Variants in BCL2L1 observed in about 807,000 individuals in gnomAD.
BCL2L1 encodes bcl-2-like protein 1.
In BCL2L1, 1 loss-of-function variant was observed where a neutral mutation model predicts 18.7. The observed-to-expected ratio is 0.05, with a 90% CI of 0.02 to 0.25. The LOEUF is 0.25. Ranked by LOEUF, BCL2L1 falls within the 10% of genes least tolerant of loss-of-function variation. The pLI is 1.00. For missense variants in BCL2L1, 207 were observed against 304.9 expected, an observed-to-expected ratio of 0.68 and a Z score of 2.39; for synonymous variants, 103 against 122.7, an observed-to-expected ratio of 0.84 and a Z score of 1.06.
At chr20:31,700,648 T>G (rs1048072985) in intron 2 of BCL2L1, among the ~76,000 whole-genome samples, 1 of 152,218 alleles carries the variant, frequency 6.6e-6, no homozygotes, top group African/African-American at 2.4e-5. Flanking sequence ...GCCCCTCTTT[T>G]CTCCGCTTTG....
chr20:31,689,952 G>A (rs2061033346), intron 2 of BCL2L1, among the ~76,000 whole-genome samples: 1 of 152,262 alleles, frequency 6.6e-6, no homozygotes, highest in Admixed American at 6.5e-5. Context: ...AGGAGGCGGA[G>A]GTTGCGGTGA....
chr20:31,708,169 C>A (rs1417015966), intron 2 of BCL2L1, among the ~76,000 whole-genome samples: 1 of 152,174 alleles, frequency 6.6e-6, no homozygotes, highest in Admixed American at 6.5e-5. Flanking sequence ...TCTTTGTTGA[C>A]CCTCAAGGGA....
chr20:31,721,025 A>G, intron 2 of BCL2L1: 1 of 967,430 alleles, frequency 1.0e-6, no homozygotes, highest in Non-Finnish European at 1.2e-6. Context: ...AAATGAACTT[A>G]GGGGGCGCAG....
At chr20:31,677,845 C>T (rs980190630) in intron 2 of BCL2L1, among the ~76,000 whole-genome samples, 7 of 152,190 alleles carry the variant, frequency 4.6e-5, no homozygotes, top group African/African-American at 1.7e-4. Context: ...CCCATCTGAC[C>T]ATGGGCTCTG....
At chr20:31,690,546 G>A (rs2061046070) in intron 2 of BCL2L1, among the ~76,000 whole-genome samples, 1 of 151,264 alleles carries the variant, frequency 6.6e-6, no homozygotes, top group South Asian at 2.1e-4. Flanking sequence ...GTATTTTGAA[G>A]CAAATCCCAC....
intron 2 of BCL2L1, among the ~76,000 whole-genome samples, chr20:31,704,061 G>A (rs1021756352): frequency 8.6e-5 from 13 of 150,410 alleles, no homozygotes; most frequent in Non-Finnish European, 1.9e-4. Context: ...GCCTCCCAAA[G>A]TGCTGGGATT....
At chr20:31,676,707 C>G (rs895808752) in intron 2 of BCL2L1, among the ~76,000 whole-genome samples, 2 of 152,164 alleles carry the variant, frequency 1.3e-5, no homozygotes, top group African/African-American at 4.8e-5. Context: ...CACGAACACC[C>G]CCATTTCACA....
Position 31,712,251 on chromosome 20 carries a change from G to A in BCL2L1, c.564+9404C>T, listed in dbSNP as rs548996375. 3.2e-4 allele frequency among the ~76,000 whole-genome samples: 49 copies of A among 152,292 alleles called. 1 individual carries two copies. Among genetic ancestry groups the A allele is most frequent in the African/African-American group, 1.0e-3 (42 of 41,568 alleles). ...ACTGGACGAGGGAACACAGTGGAGCGTTTAAAAGGGGGAGGTTGGAAGCTA... is the reference window on the plus strand; with the variant it reads ...ACTGGACGAGGGAACACAGTGGAGCATTTAAAAGGGGGAGGTTGGAAGCTA... On this transcript the variant is annotated intron_variant, in intron 2 of 2. Coordinates refer to ENST00000307677, the MANE Select transcript of BCL2L1 (RefSeq NM_138578.3).
chr20:31,722,561 A>G (rs1028594130), intron 1 of BCL2L1, 57 bp downstream of exon 1: 1 of 183,176 alleles, frequency 5.5e-6, no homozygotes, highest in Non-Finnish European at 1.1e-5. Context: ...CCTTCCTCGG[A>G]AAGTCACTCC....
intron 2 of BCL2L1, among the ~76,000 whole-genome samples, chr20:31,705,053 T>G (rs1315353731): frequency 6.6e-6 from 1 of 152,170 alleles, no homozygotes; most frequent in Non-Finnish European, 1.5e-5. Flanking sequence ...CAGCAACATT[T>G]ACTAGGGCCT....
chr20:31,689,268 AG>A (rs1568869332), intron 2 of BCL2L1, among the ~76,000 whole-genome samples: 2 of 61,146 alleles, frequency 3.3e-5, no homozygotes, highest in Non-Finnish European at 6.5e-5. Context: ...AGGGAAGGGG[AG>A]GGGGAGGGCA....
At chr20:31,701,836 T>C in intron 2 of BCL2L1, among the ~76,000 whole-genome samples, 1 of 152,238 alleles carries the variant, frequency 6.6e-6, no homozygotes, top group East Asian at 1.9e-4. Context: ...TTAGGTTTTG[T>C]TCATTTGTTT....
rs540803586 is a variant in BCL2L1, at chr20:31,676,781, A to G, written c.565-10695T>C. 8.3e-4 allele frequency among the ~76,000 whole-genome samples: 126 copies of G among 152,266 alleles called. No homozygotes were observed. In the Middle Eastern group the frequency reaches 0.024, roughly 29 times the overall value. On this transcript the variant is annotated intron_variant, in intron 2 of 2. Transcript: ENST00000307677. ...TGGGTCTGTTTCATTCTGATGGTCC[A>G]CACCCATGGGAGTTGGTAGTCATCT...
chr20:31,683,938 A>G (rs760497933), intron 2 of BCL2L1, among the ~76,000 whole-genome samples: 1 of 152,220 alleles, frequency 6.6e-6, no homozygotes, highest in African/African-American at 2.4e-5. Flanking sequence ...TCCTATAAAG[A>G]GTATCATTTG....
At chr20:31,723,480 G>A, upstream of BCL2L1, 1 of 985,398 alleles carries the variant, frequency 1.0e-6, no homozygotes. Context: ...CCTCTCCGGA[G>A]CCCAGGGTGG....
chr20:31,680,525 G>C (rs550699721), intron 2 of BCL2L1, among the ~76,000 whole-genome samples: 11 of 152,220 alleles, frequency 7.2e-5, no homozygotes, highest in African/African-American at 2.6e-4. Context: ...TCTTTATCTT[G>C]GAAACAAAAG....
At chr20:31,695,585 G>A (rs1304374436) in intron 2 of BCL2L1, among the ~76,000 whole-genome samples, 1 of 152,204 alleles carries the variant, frequency 6.6e-6, no homozygotes, top group Non-Finnish European at 1.5e-5. Flanking sequence ...TCCTGCCTCA[G>A]TGTCCCGAGT....
intron 2 of BCL2L1, among the ~76,000 whole-genome samples, chr20:31,697,377 G>C (rs897585362): frequency 6.6e-6 from 1 of 152,080 alleles, no homozygotes; most frequent in Non-Finnish European, 1.5e-5. Context: ...TATTCAAATG[G>C]AAGAGGGAAG....
intron 2 of BCL2L1, among the ~76,000 whole-genome samples, chr20:31,681,598 G>A (rs1356625123): frequency 1.3e-5 from 2 of 152,210 alleles, no homozygotes; most frequent in African/African-American, 2.4e-5. Flanking sequence ...CCATGACTGC[G>A]CCACTGCACT....
Sources: allele counts gnomAD v4.1 joint callset (sites outside exome capture counted in the v4.1 genomes callset), GRCh38; gene constraint gnomAD v4.1.1; transcripts MANE v1.5; gene names NCBI Gene and HGNC (gene_info 2026-07-23, HGNC 2026-07-21).